Variants in DNAAF11 observed in about 807,000 individuals in gnomAD.
The protein encoded by DNAAF11 is dynein axonemal assembly factor 11, also known as leucine rich repeat containing 6.
DNAAF11 carries 45 observed loss-of-function variants against 60.8 expected under a neutral mutation model. The observed-to-expected ratio is 0.74, with a 90% CI of 0.58 to 0.95. DNAAF11 has a LOEUF of 0.95. Among genes scored for constraint, DNAAF11 ranks in the 40% least tolerant of loss-of-function variants. The pLI is 0.00. For synonymous variants in DNAAF11, 191 were observed against 183.5 expected (o/e 1.04, Z -0.33); for missense variants, 546 against 546.2 (o/e 1.00, Z 0.00).
At chr8:132,702,257 A>C in the DNAAF11 span, 1 of 152,188 alleles carries the variant, frequency 6.6e-6, no homozygotes, top group African/African-American at 2.4e-5. Context: ...TTTATAAATG[A>C]GCAAAGTGAG....
chr8:132,601,387 T>G (rs1324947285), intron 10 of DNAAF11, among the ~76,000 whole-genome samples: 1 of 152,088 alleles, frequency 6.6e-6, no homozygotes, highest in Non-Finnish European at 1.5e-5. Flanking sequence ...GATCTAGAAC[T>G]AGAAATACCA....
At chr8:132,608,498 T>A (rs1032230125) in intron 10 of DNAAF11, 2 of 450,236 alleles carry the variant, frequency 4.4e-6, no homozygotes, top group Non-Finnish European at 9.0e-6. Context: ...ATGCTGCAGT[T>A]GTTTAAGACT....
intron 1 of DNAAF11, among the ~76,000 whole-genome samples, chr8:132,673,879 T>C (rs1408892393): frequency 6.6e-6 from 1 of 152,152 alleles, no homozygotes; most frequent in Non-Finnish European, 1.5e-5. Flanking sequence ...CTGCATTCAA[T>C]ACCTGATTCA....
intron 1 of DNAAF11, among the ~76,000 whole-genome samples, chr8:132,674,555 T>A (rs189931200): frequency 7.7e-4 from 118 of 152,340 alleles, no homozygotes; most frequent in Middle Eastern, 6.8e-3. Context: ...ATAAATAACT[T>A]ACCCGCATCA....
upstream of DNAAF11, among the ~76,000 whole-genome samples, chr8:132,675,981 G>A (rs1427912790): frequency 6.6e-6 from 1 of 152,170 alleles, no homozygotes; most frequent in Non-Finnish European, 1.5e-5. Context: ...ACATCTGTAA[G>A]ATGAGAAATA....
chr8:132,683,817 G>A, the DNAAF11 span, among the ~76,000 whole-genome samples: 1 of 128,750 alleles, frequency 7.8e-6, no homozygotes, highest in African/African-American at 3.7e-5. Flanking sequence ...TTCTGCTGGA[G>A]AAGCTCAAGT....
intron 5 of DNAAF11, among the ~76,000 whole-genome samples, chr8:132,625,890 C>T (rs2130338104): frequency 6.6e-6 from 1 of 152,282 alleles, no homozygotes; most frequent in African/African-American, 2.4e-5. Context: ...GATGATCAGA[C>T]AAGAAATCAC....
chr8:132,636,896 A>C (rs974972271), intron 4 of DNAAF11, among the ~76,000 whole-genome samples: 1 of 152,222 alleles, frequency 6.6e-6, no homozygotes, highest in East Asian at 1.9e-4. Flanking sequence ...TCTTGACTGC[A>C]GAGAACACAG....
At chr8:132,674,097 C>CAGGAGGAGGAGGAGGAGGAGGAGGAGG (rs1489234047) in intron 1 of DNAAF11, among the ~76,000 whole-genome samples, 1 of 37,256 alleles carries the variant, frequency 2.7e-5, no homozygotes, top group Non-Finnish European at 5.8e-5. Flanking sequence ...GGAGGAGGAG[C>CAGGAGGAGGAGGAGGAGGAGGAGGAGG]AGGAGGAGGA....
In DNAAF11 at chr8:132,632,762, AC is replaced by A. The variant is rs760123202; in HGVS notation, c.630del (p.Trp210CysfsTer12). ...KRSNAGFDGRWYTDINATLSS... is the reference protein window; with the variant it reads ...KRSNAGFDGRXYTDINATLSS... ...TACAGAGTAGCATTGATGTCTGTGTACCAACGTCCATCAAAGCCTGCGTTAC... is the reference window on the plus strand; with the variant it reads ...TACAGAGTAGCATTGATGTCTGTGTACAACGTCCATCAAAGCCTGCGTTAC... On this transcript the variant is annotated frameshift_variant, in exon 5 of 12. Transcript: ENST00000620350. LOFTEE classifies it high-confidence loss of function. 159 of 1,611,532 alleles carry A rather than the reference AC, an allele frequency of 9.9e-5. No homozygotes were observed. In the South Asian group the frequency reaches 1.5e-3, roughly 16 times the overall value.
intron 4 of DNAAF11, 76 bp from the exon 5 acceptor site, chr8:132,633,039 A>T: frequency 2.4e-6 from 2 of 830,744 alleles, no homozygotes; most frequent in Non-Finnish European, 3.9e-6. Context: ...GATTTTGATT[A>T]GAAATAATAA....
intron 1 of DNAAF11, among the ~76,000 whole-genome samples, chr8:132,663,449 T>C (rs1263293084): frequency 1.3e-5 from 2 of 152,240 alleles, no homozygotes; most frequent in African/African-American, 4.8e-5. Flanking sequence ...ATCTGTAATT[T>C]ACCTATAAGA....
intron 10 of DNAAF11, among the ~76,000 whole-genome samples, chr8:132,596,817 G>A (rs569850193): frequency 2.0e-5 from 3 of 152,332 alleles, no homozygotes; most frequent in African/African-American, 7.2e-5. Context: ...TAAGGATCCA[G>A]AGTGATGGGG....
chr8:132,656,869 A>AATTCAAAT lies in DNAAF11; in HGVS notation c.209_216dup (p.Leu73IlefsTer2), dbSNP rs1823626574. On this transcript the variant is annotated stop_gained and frameshift_variant, in exon 3 of 12. Transcript: ENST00000620350. LOFTEE classifies it high-confidence loss of function. ...ATTTTTTCAATGTTGTTTAAAGCTA[A>AATTCAAAT]ATTCAAATATTCAAGTTTCTTGAGT... 7.2e-7 allele frequency: 1 copy of AATTCAAAT among 1,387,100 alleles called. No individual in the cohort carries two copies. Among genetic ancestry groups the AATTCAAAT allele is most frequent in the Non-Finnish European group, 1.0e-6 (1 of 990,170 alleles). 85.9% of individuals were successfully genotyped at this position (1,387,100 alleles called of 1,614,324 possible).
intron 10 of DNAAF11, among the ~76,000 whole-genome samples, chr8:132,591,548 G>A (rs1370872180): frequency 6.6e-6 from 1 of 151,498 alleles, no homozygotes; most frequent in Non-Finnish European, 1.5e-5. Flanking sequence ...AGTTTTAATT[G>A]TTTTCTGAAA....
At chr8:132,617,704 A>G (rs1563628520) in intron 7 of DNAAF11, among the ~76,000 whole-genome samples, 1 of 152,112 alleles carries the variant, frequency 6.6e-6, no homozygotes, top group African/African-American at 2.4e-5. Flanking sequence ...TTTTTGCTTC[A>G]AAGAGAATAA....
intron 10 of DNAAF11, among the ~76,000 whole-genome samples, chr8:132,599,542 C>T (rs868083255): frequency 7.7e-4 from 117 of 152,212 alleles, no homozygotes; most frequent in African/African-American, 2.7e-3. Context: ...ACTGGCAAAC[C>T]GAATCCAGCA....
intron 10 of DNAAF11, among the ~76,000 whole-genome samples, chr8:132,594,102 G>A (rs1816747207): frequency 6.6e-6 from 1 of 152,034 alleles, no homozygotes; most frequent in Non-Finnish European, 1.5e-5. Flanking sequence ...ATAAGCAAAT[G>A]ACTGGCTGGC....
At chr8:132,618,060 C>T (rs1313117247) in intron 7 of DNAAF11, among the ~76,000 whole-genome samples, 12 of 150,882 alleles carry the variant, frequency 8.0e-5, no homozygotes, top group African/African-American at 1.9e-4. Flanking sequence ...TACAAGGCTA[C>T]AGTAACCAAA....
Sources: allele counts gnomAD v4.1 joint callset (sites outside exome capture counted in the v4.1 genomes callset), GRCh38; gene constraint gnomAD v4.1.1; transcripts MANE v1.5; gene names NCBI Gene and HGNC (gene_info 2026-07-23, HGNC 2026-07-21).